The following TCAF1 variants were observed in gnomAD, a reference collection of about 807,000 sequenced individuals.
TCAF1 encodes the protein TRPM8 channel associated factor 1, also known as TRPM8 channel-associated factor 1.
Under a neutral mutation model 27.3 loss-of-function variants are expected in TCAF1, and 4 were observed. That is an observed-to-expected ratio of 0.15 (90% CI 0.07 to 0.34). The LOEUF (loss-of-function observed/expected upper bound fraction) is 0.34, where lower values mean the gene tolerates loss of function less well. Ranked by LOEUF, TCAF1 falls within the 10% of genes least tolerant of loss-of-function variation. The pLI is 1.00. For synonymous variants in TCAF1, 105 were observed against 167.1 expected, an observed-to-expected ratio of 0.63 and a Z score of 2.87; for missense variants, 257 against 425.8, an observed-to-expected ratio of 0.60 and a Z score of 3.49.
chr7:143,894,341 A>G (rs1813780605), intron 1 of TCAF1, among the ~76,000 whole-genome samples: 1 of 151,850 alleles, frequency 6.6e-6, no homozygotes, highest in African/African-American at 2.4e-5. Context: ...GTAAATGAAG[A>G]AACTCTTCCC....
At chr7:143,901,058 G>A (rs1586807773) in intron 1 of TCAF1, among the ~76,000 whole-genome samples, 2 of 152,222 alleles carry the variant, frequency 1.3e-5, no homozygotes, top group East Asian at 3.8e-4. Context: ...ATGGGCATCA[G>A]TTGGGACTCA....
Position 143,851,550 on chromosome 7 carries a change from C to A in TCAF1, c.*2583G>T, listed in dbSNP as rs1244263820. 6.6e-6 allele frequency: 1 copy of A among 152,292 alleles called. No individual in the cohort carries two copies. The highest frequency in any genetic ancestry group is 1.5e-5 in the Non-Finnish European group (1 of 68,058). 9.4% of individuals were successfully genotyped at this position (152,292 alleles called of 1,614,324 possible). ...TTTAACAATATTTATTTTAGATCGT[C>A]TGGTAACTTTCTAACTTTAAATAAT... is the stretch of plus-strand genomic sequence containing the variant. On this transcript the variant is annotated 3_prime_UTR_variant, in exon 9 of 9. Transcript: ENST00000479870.
chr7:143,882,817 C>G (rs1813146914), intron 1 of TCAF1: 1 of 985,590 alleles, frequency 1.0e-6, no homozygotes, highest in Non-Finnish European at 1.2e-6. Flanking sequence ...GAAGAGGCTT[C>G]CCTGTACCAG....
Position 143,860,020 on chromosome 7 carries a change from T to TA in TCAF1, c.2167+187_2167+188insT, listed in dbSNP as rs1563212159. On this transcript the variant is annotated intron_variant, in intron 6 of 8. Coordinates refer to ENST00000479870, the MANE Select transcript of TCAF1 (RefSeq NM_014719.3). ...TTATATAATATATATATAATATATA[T>TA]TATATATTATATATATAATATATAA... 6.4e-3 allele frequency among the ~76,000 whole-genome samples: 88 copies of TA among 13,738 alleles called. 16 individuals carry two copies. The highest frequency in any genetic ancestry group is 0.015 in the Non-Finnish European group (80 of 5,282). The allele number at this position is 13,738 out of a possible 152,430, so 9.0% of individuals were successfully genotyped here.
chr7:143,893,763 T>C (rs187324411), intron 1 of TCAF1, among the ~76,000 whole-genome samples: 2 of 149,080 alleles, frequency 1.3e-5, no homozygotes, highest in African/African-American at 5.1e-5. Flanking sequence ...CAAAAGCAAT[T>C]ACTTAATAAA....
intron 2 of TCAF1, among the ~76,000 whole-genome samples, chr7:143,870,912 C>T (rs1423025279): frequency 1.7e-5 from 2 of 115,336 alleles, no homozygotes; most frequent in African/African-American, 6.4e-5. Context: ...AATCATGAAA[C>T]TCGTTTGTGT....
chr7:143,900,706 G>A (rs2116881563), intron 1 of TCAF1, among the ~76,000 whole-genome samples: 1 of 152,274 alleles, frequency 6.6e-6, no homozygotes, highest in African/African-American at 2.4e-5. Context: ...GCTGCTAGGT[G>A]TTGGGGTAAT....
chr7:143,865,124 TAATTAG>T, intron 2 of TCAF1, among the ~76,000 whole-genome samples: 1 of 151,148 alleles, frequency 6.6e-6, no homozygotes, highest in African/African-American at 2.4e-5. Context: ...TTAGTTCTTA[TAATTAG>T]AGTTCTGTTT....
At chr7:143,891,351 C>T (rs1813627518) in intron 1 of TCAF1, among the ~76,000 whole-genome samples, 1 of 152,012 alleles carries the variant, frequency 6.6e-6, no homozygotes, top group Non-Finnish European at 1.5e-5. Flanking sequence ...TACTTGAGTT[C>T]TTAGAGAACT....
intron 1 of TCAF1, among the ~76,000 whole-genome samples, chr7:143,880,373 C>T (rs1812949201): frequency 6.6e-6 from 1 of 152,152 alleles, no homozygotes; most frequent in Non-Finnish European, 1.5e-5. Flanking sequence ...TGCTGGAGTC[C>T]ATACTCTTAA....
At chr7:143,885,829 C>A (rs1388068229) in intron 1 of TCAF1, among the ~76,000 whole-genome samples, 2 of 152,264 alleles carry the variant, frequency 1.3e-5, no homozygotes, top group East Asian at 3.9e-4. Context: ...GAACCAGTTA[C>A]TTCAGACAGG....
chr7:143,875,121 C>T (rs1812618236), intron 2 of TCAF1, among the ~76,000 whole-genome samples: 1 of 152,180 alleles, frequency 6.6e-6, no homozygotes, highest in Non-Finnish European at 1.5e-5. Flanking sequence ...CTTGGTGTGT[C>T]GTCCTCACCC....
intron 1 of TCAF1, among the ~76,000 whole-genome samples, chr7:143,897,131 AAT>A (rs5888117): frequency 0.023 from 1,824 of 79,700 alleles, 9 homozygotes; most frequent in South Asian, 0.032. Flanking sequence ...GTTAATCTTG[AAT>A]ATATATATAT....
At chr7:143,885,657 T>C (rs1813365665) in intron 1 of TCAF1, 1 of 651,354 alleles carries the variant, frequency 1.5e-6, no homozygotes, top group African/African-American at 2.0e-5. Context: ...AATCTACTTA[T>C]ATAAATCTAC....
At chr7:143,897,018 AAG>A (rs574709404) in intron 1 of TCAF1, among the ~76,000 whole-genome samples, 98 of 150,294 alleles carry the variant, frequency 6.5e-4, no homozygotes, top group African/African-American at 2.2e-3. Flanking sequence ...TTAAAACAAA[AAG>A]AGAAAATGTA....
intron 1 of TCAF1, chr7:143,882,885 G>A: frequency 3.0e-6 from 3 of 985,352 alleles, no homozygotes; most frequent in African/African-American, 1.7e-5. Context: ...CTGGAGGAGA[G>A]GAGGGGTTTC....
rs1331125741 is a variant in TCAF1, at chr7:143,851,401, A to T, written c.*2732T>A. 4.6e-5 allele frequency: 7 copies of T among 152,426 alleles called. No individual in the cohort carries two copies. Among genetic ancestry groups the T allele is most frequent in the African/African-American group, 1.7e-4 (7 of 41,590 alleles). The allele number at this position is 152,426 out of a possible 1,614,324, so 9.4% of individuals were successfully genotyped here. A position where few individuals can be genotyped will look rare whatever the true frequency, so the allele number is the denominator to read the frequency against. ...AGATTTTTATTTGGGTTTATTAAAA[A>T]TTTTTTCAAAGTAATACATGCACAA... On this transcript the variant is annotated 3_prime_UTR_variant, in exon 9 of 9. Transcript: ENST00000479870.
intron 1 of TCAF1, among the ~76,000 whole-genome samples, chr7:143,901,735 G>A (rs1814122993): frequency 6.6e-6 from 1 of 152,192 alleles, no homozygotes; most frequent in Non-Finnish European, 1.5e-5. Flanking sequence ...CGAAAATAGG[G>A]GGGGTCATCG....
At position 143,860,020 on chromosome 7, in the gene TCAF1, T is replaced by TAA. The variant is rs1563212159; in HGVS notation, c.2167+187_2167+188insTT. Among the ~76,000 whole-genome samples the TAA allele has an allele frequency of 7.0e-3, 96 of 13,714 alleles. 11 individuals are homozygous for TAA. Among genetic ancestry groups the TAA allele is most frequent in the South Asian group, 0.01 (5 of 478 alleles). The allele number at this position is 13,714 out of a possible 152,430, so 9.0% of individuals were successfully genotyped here. A position where few individuals can be genotyped will look rare whatever the true frequency, so the allele number is the denominator to read the frequency against. ...TTATATAATATATATATAATATATATTATATATTATATATATAATATATAA... is the reference window on the plus strand; with the variant it reads ...TTATATAATATATATATAATATATATAATATATATTATATATATAATATATAA... On this transcript the variant is annotated intron_variant, in intron 6 of 8. Coordinates refer to ENST00000479870, the MANE Select transcript of TCAF1 (RefSeq NM_014719.3).
Sources: gnomAD v4.1 joint callset for allele counts (sites outside exome capture counted in the v4.1 genomes callset) on GRCh38, gnomAD v4.1.1 for gene constraint, MANE v1.5 for transcripts, NCBI Gene and HGNC (gene_info 2026-07-23, HGNC 2026-07-21) for gene names.